Variants in C10orf67 observed in about 807,000 individuals in gnomAD.
C10orf67 encodes the protein chromosome 10 open reading frame 67, also known as uncharacterized protein C10orf67, mitochondrial.
C10orf67 carries 60 observed loss-of-function variants against 35.6 expected under a neutral mutation model. That is an observed-to-expected ratio of 1.68 (90% CI 1.37 to 2.09). The LOEUF (loss-of-function observed/expected upper bound fraction) is 2.09. Among genes scored for constraint, C10orf67 ranks in the 30% most tolerant of loss-of-function variants. The pLI, the probability that C10orf67 is intolerant of heterozygous loss-of-function variation, is 0.00. For synonymous variants in C10orf67, 167 were observed against 115.8 expected (o/e 1.44, Z -2.84); for missense variants, 474 against 330.2 (o/e 1.44, Z -3.38).
intron 4 of C10orf67, chr10:23,318,371 A>C (rs911458741): frequency 6.5e-6 from 1 of 152,924 alleles, no homozygotes; most frequent in Non-Finnish European, 1.5e-5. Context: ...ACCTACATGT[A>C]GATCTTCCAT....
intron 3 of C10orf67, 138 bp downstream of exon 3, chr10:23,322,256 G>C (rs1564512143): frequency 2.6e-6 from 2 of 772,954 alleles, no homozygotes; most frequent in Middle Eastern, 4.0e-4. Flanking sequence ...GTGAAGCTCT[G>C]TGTATTAATT....
chr10:23,211,973 A>AT (rs772119082), intron 15 of C10orf67, among the ~76,000 whole-genome samples: 14 of 152,244 alleles, frequency 9.2e-5, no homozygotes, highest in African/African-American at 2.9e-4. Context: ...CTCCCCAAAG[A>AT]TGCTGAAGTC....
Position 23,223,757 on chromosome 10 carries a change from T to C in C10orf67, c.1496A>G (p.His499Arg). 2.8e-6 allele frequency: 2 copies of C among 715,832 alleles called. No individual in the cohort carries two copies. The highest frequency in any genetic ancestry group is 2.6e-6 in the Non-Finnish European group (1 of 384,932). The allele number at this position is 715,832 out of a possible 1,614,324, so 44.3% of individuals were successfully genotyped here. A position where few individuals can be genotyped will look rare whatever the true frequency, so the allele number is the denominator to read the frequency against. Residue 499 changes from histidine (H) to arginine (R), a missense_variant, in exon 14 of 16, where the codon CAT becomes CGT. His to Arg is a conservative substitution (Grantham distance 29). Transcript: ENST00000636213. ...TAAGCTACTTACTGAAGATGTACAA[T>C]GACTTGAAGAGGATATAGCTGTCAT... ...TTMTAISSSS[H>R]CTSSIDGKHV...
intron 12 of C10orf67, among the ~76,000 whole-genome samples, chr10:23,243,036 A>C (rs1564468666): frequency 6.6e-6 from 1 of 152,168 alleles, no homozygotes. Flanking sequence ...AAAAGTTAGA[A>C]AAAAATACAC....
At chr10:23,332,619 G>A (rs549067942) in intron 2 of C10orf67, among the ~76,000 whole-genome samples, 2 of 151,538 alleles carry the variant, frequency 1.3e-5, no homozygotes, top group South Asian at 2.1e-4. Context: ...TGGAGGTGGC[G>A]GCTACAGTGA....
rs1295615689 is a variant in C10orf67, at chr10:23,320,653, C to T, written c.546+88G>A. On this transcript the variant is annotated intron_variant, in intron 4 of 15. Coordinates refer to ENST00000636213, the MANE Select transcript of C10orf67 (RefSeq NM_001371909.1). ...AGGCCTTCAGAGCTGGAAACACAGA[C>T]TGGGAAGCCAAGGTGATCCCCACTC... The T allele has an allele frequency of 8.0e-6, 8 of 1,003,986 alleles. No homozygotes were observed. The East Asian group carries it at 1.8e-4, about 23-fold the overall frequency. The allele number at this position is 1,003,986 out of a possible 1,614,324, so 62.2% of individuals were successfully genotyped here. A position where few individuals can be genotyped will look rare whatever the true frequency, so the allele number is the denominator to read the frequency against.
Position 23,267,188 on chromosome 10 carries a change from T to C in C10orf67, c.1035+7A>G. 1 of 709,664 alleles carries C rather than the reference T, an allele frequency of 1.4e-6. No individual in the cohort carries two copies. The highest frequency in any genetic ancestry group is 2.6e-6 in the Non-Finnish European group (1 of 383,066). 44.0% of individuals were successfully genotyped at this position (709,664 alleles called of 1,614,324 possible). On this transcript the variant is annotated splice_region_variant and intron_variant, in intron 9 of 15. Coordinates refer to ENST00000636213, the MANE Select transcript of C10orf67 (RefSeq NM_001371909.1). ...GAAAGAGAGAGAGAAAAAACTTAAA[T>C]ACAAACCTTTACACTTAAGCTGCCA...
At chr10:23,317,174 A>T (rs1844752883) in intron 4 of C10orf67, 1 of 152,386 alleles carries the variant, frequency 6.6e-6, no homozygotes, top group South Asian at 2.1e-4. Flanking sequence ...GGAGGGGGCC[A>T]AGGCAGCAGA....
intron 4 of C10orf67, among the ~76,000 whole-genome samples, chr10:23,313,019 C>T (rs1844556895): frequency 6.6e-6 from 1 of 152,206 alleles, no homozygotes; most frequent in African/African-American, 2.4e-5. Context: ...GAACCAATTC[C>T]TCAAAATCTC....
intron 10 of C10orf67, among the ~76,000 whole-genome samples, chr10:23,252,884 C>T (rs935569288): frequency 2.6e-5 from 4 of 152,088 alleles, no homozygotes; most frequent in Non-Finnish European, 5.9e-5. Context: ...CTTGTAGCTC[C>T]CATAATTCCC....
chr10:23,235,965 T>C (rs1260752205), intron 13 of C10orf67, among the ~76,000 whole-genome samples: 1 of 151,650 alleles, frequency 6.6e-6, no homozygotes, highest in East Asian at 1.9e-4. Context: ...AATACAAAAA[T>C]TGGCTGGGCA....
intron 1 of C10orf67, among the ~76,000 whole-genome samples, chr10:23,340,364 A>T (rs1845837840): frequency 6.6e-6 from 1 of 151,308 alleles, no homozygotes; most frequent in Non-Finnish European, 1.5e-5. Context: ...AAAAAAAAAA[A>T]AAAAAATTAG....
At chr10:23,278,788 G>A (rs370482024) in intron 8 of C10orf67, among the ~76,000 whole-genome samples, 2 of 152,180 alleles carry the variant, frequency 1.3e-5, no homozygotes, top group African/African-American at 4.8e-5. Flanking sequence ...GAACTCTGAG[G>A]CATCCTTATC....
chr10:23,224,815 T>C (rs1387982957), intron 13 of C10orf67, among the ~76,000 whole-genome samples: 1 of 151,424 alleles, frequency 6.6e-6, no homozygotes, highest in Non-Finnish European at 1.5e-5. Context: ...AAGCGAGAAG[T>C]TTAGAGAAAA....
chr10:23,259,168 TA>T (rs1215150497), intron 10 of C10orf67, among the ~76,000 whole-genome samples: 1 of 152,222 alleles, frequency 6.6e-6, no homozygotes, highest in Non-Finnish European at 1.5e-5. Context: ...TTTCTCTGTT[TA>T]CCAATCTTTA....
intron 8 of C10orf67, among the ~76,000 whole-genome samples, chr10:23,279,214 C>A (rs1350350473): frequency 6.6e-6 from 1 of 152,206 alleles, no homozygotes; most frequent in African/African-American, 2.4e-5. Context: ...AGACAGGGAC[C>A]ACATGGACAG....
intron 7 of C10orf67, among the ~76,000 whole-genome samples, chr10:23,285,273 T>G (rs1353743884): frequency 6.6e-6 from 1 of 151,262 alleles, no homozygotes; most frequent in Non-Finnish European, 1.5e-5. Context: ...TATGAGAAGT[T>G]CCAGTGCATG....
chr10:23,216,182 A>G (rs192230827), intron 15 of C10orf67, among the ~76,000 whole-genome samples: 1 of 152,310 alleles, frequency 6.6e-6, no homozygotes, highest in Admixed American at 6.5e-5. Flanking sequence ...AAAAAGAACC[A>G]CCCAATTATA....
chr10:23,289,483 T>G (rs1251876328), intron 7 of C10orf67, among the ~76,000 whole-genome samples: 1 of 152,192 alleles, frequency 6.6e-6, no homozygotes, highest in African/African-American at 2.4e-5. Context: ...TTGATTTTTA[T>G]TCTACCAAAA....
Sources: gnomAD v4.1 joint callset for allele counts (sites outside exome capture counted in the v4.1 genomes callset) on GRCh38, gnomAD v4.1.1 for gene constraint, MANE v1.5 for transcripts, NCBI Gene and HGNC (gene_info 2026-07-23, HGNC 2026-07-21) for gene names.